Variants in EPAS1 observed in about 807,000 individuals in gnomAD.
The protein encoded by EPAS1 is endothelial PAS domain protein 1.
A neutral mutation model predicts 87.9 loss-of-function variants in EPAS1; 23 were observed. The ratio of observed to expected loss-of-function variants is 0.26; its 90% CI spans 0.19 to 0.37. The LOEUF is 0.37. Among genes scored for constraint, EPAS1 ranks in the 10% least tolerant of loss-of-function variants. The pLI is 1.00. For synonymous variants in EPAS1, 508 were observed against 444.3 expected (o/e 1.14, Z -1.80); for missense variants, 1,138 against 1,120.7 (o/e 1.02, Z -0.22).
chr2:46,367,809 G>T (rs893781580), intron 6 of EPAS1, among the ~76,000 whole-genome samples: 3 of 152,194 alleles, frequency 2.0e-5, no homozygotes, highest in Non-Finnish European at 4.4e-5. Context: ...TCTCACCCAA[G>T]CAGAGAACTT....
intron 1 of EPAS1, among the ~76,000 whole-genome samples, chr2:46,303,320 G>A (rs1683047875): frequency 6.6e-6 from 1 of 152,166 alleles, no homozygotes; most frequent in African/African-American, 2.4e-5. Context: ...TTAAAGACTG[G>A]CTCAGAAGGA....
intron 1 of EPAS1, among the ~76,000 whole-genome samples, chr2:46,302,166 G>A (rs999837411): frequency 6.7e-6 from 1 of 149,548 alleles, no homozygotes; most frequent in African/African-American, 2.5e-5. Context: ...GCGTCGGGGG[G>A]GGGGGCAGTG....
rs1430550943 is a variant in EPAS1 at position 46,385,971 on chromosome 2, C to G, written c.*1311C>G. Reference sequence around the variant, plus strand: ...CTCACGACCTTGGAGCCCCGTGGAGCTGGACTGAGGAGGAGGCTGCACAGC... The same window carrying G: ...CTCACGACCTTGGAGCCCCGTGGAGGTGGACTGAGGAGGAGGCTGCACAGC... On this transcript the variant is annotated 3_prime_UTR_variant, in exon 16 of 16. Transcript: ENST00000263734. The G allele has an allele frequency of 6.6e-6, 1 of 152,578 alleles. No individual in the cohort carries two copies. The highest frequency in any genetic ancestry group is 1.5e-5 in the Non-Finnish European group (1 of 68,050). The allele number at this position is 152,578 out of a possible 1,614,324, so 9.5% of individuals were successfully genotyped here. A position where few individuals can be genotyped will look rare whatever the true frequency, so the allele number is the denominator to read the frequency against.
intron 15 of EPAS1, 51 bp from the exon 16 acceptor site, chr2:46,384,458 T>C (rs1277800522): frequency 1.2e-6 from 2 of 1,613,602 alleles, no homozygotes; most frequent in Non-Finnish European, 1.7e-6. Context: ...TAGACACTTT[T>C]CCAAATGTTC....
chr2:46,328,330 A>T (rs1289461526), intron 1 of EPAS1, among the ~76,000 whole-genome samples: 1 of 152,210 alleles, frequency 6.6e-6, no homozygotes, highest in Non-Finnish European at 1.5e-5. Flanking sequence ...TTCTGTCCCC[A>T]TGACCAGTTC....
chr2:46,359,518 G>A (rs987127851), intron 4 of EPAS1, among the ~76,000 whole-genome samples: 7 of 152,124 alleles, frequency 4.6e-5, no homozygotes, highest in Admixed American at 1.3e-4. Context: ...TTTTATAATC[G>A]TGATGAAGGA....
chr2:46,378,881 T>G, intron 11 of EPAS1, 114 bp downstream of exon 11: 1 of 1,048,328 alleles, frequency 9.5e-7, no homozygotes, highest in East Asian at 2.5e-5. Context: ...GTGGAGACGT[T>G]TGGCCAAGGC....
Position 46,297,951 on chromosome 2 carries a change from C to T in EPAS1, c.26+14C>T, listed in dbSNP as rs1159137374. 3 of 1,611,986 alleles carry T rather than the reference C, an allele frequency of 1.9e-6. No individual in the cohort carries two copies. Among genetic ancestry groups the T allele is most frequent in the Non-Finnish European group, 1.7e-6 (2 of 1,179,154 alleles). On this transcript the variant is annotated intron_variant, in intron 1 of 15. Transcript: ENST00000263734. ...GGAGAAGAAAAGGTAAGCGGGCGTC[C>T]GGGCCGATCAGGGGGCCGGTCCGAG...
chr2:46,380,370 C>T lies in EPAS1; in HGVS notation c.1698C>T (p.Ala566=). 1.2e-6 allele frequency: 2 copies of T among 1,614,168 alleles called. No homozygotes were observed. The highest frequency in any genetic ancestry group is 2.7e-5 in the African/African-American group (2 of 75,024). The stretch of plus-strand genomic sequence containing the variant: ...CCACCCCCCAGCACTGCTTCAGTGC[C>T]ATGACAAACATCTTCCAGCCACTGG... ...PQSTPQHCFS[A]MTNIFQPLAP... The change falls in exon 12 of 16, where the codon GCC becomes GCT. Residue 566 remains alanine (A), a synonymous_variant. Transcript: ENST00000263734. The surrounding 1 kb of genome is among the most constrained non-coding windows in gnomAD (Gnocchi z 4.4).
At chr2:46,372,187 T>C (rs1397856534) in intron 7 of EPAS1, among the ~76,000 whole-genome samples, 1 of 152,212 alleles carries the variant, frequency 6.6e-6, no homozygotes, top group East Asian at 1.9e-4. Context: ...AAAGCTGCCC[T>C]GAGCTCAGAA....
rs957192055 is a variant in EPAS1, at chr2:46,312,854, G to C, written c.26+14917G>C. 2.6e-5 allele frequency among the ~76,000 whole-genome samples: 4 copies of C among 152,182 alleles called. No individual in the cohort carries two copies. In the East Asian group the frequency reaches 7.7e-4, roughly 29 times the overall value. Reference sequence around the variant, plus strand: ...TTATGCTCCTTTCTACATCTGGCCTGTTTTTCCCTCCCCTGTGGAGATGGA... The same window carrying C: ...TTATGCTCCTTTCTACATCTGGCCTCTTTTTCCCTCCCCTGTGGAGATGGA... On this transcript the variant is annotated intron_variant, in intron 1 of 15. Transcript: ENST00000263734.
chr2:46,363,156 G>A (rs1388564528), intron 6 of EPAS1, among the ~76,000 whole-genome samples: 1 of 152,202 alleles, frequency 6.6e-6, no homozygotes, highest in African/African-American at 2.4e-5. Flanking sequence ...ACAGCTTTGT[G>A]TACCTCAGTA....
Position 46,333,219 on chromosome 2 carries a change from G to A in EPAS1, c.27-13654G>A, listed in dbSNP as rs566363154. ...AATACCCCCACAGCTGGGGGACCGT[G>A]ACTGATTTAATCTTCATGCCAGCTC... On this transcript the variant is annotated intron_variant, in intron 1 of 15. Coordinates refer to ENST00000263734, the MANE Select transcript of EPAS1 (RefSeq NM_001430.5). 4.6e-5 allele frequency among the ~76,000 whole-genome samples: 7 copies of A among 152,284 alleles called. No individual in the cohort carries two copies. In the East Asian group the frequency reaches 1.3e-3, roughly 29 times the overall value.
At chr2:46,328,649 T>C (rs926057846) in intron 1 of EPAS1, among the ~76,000 whole-genome samples, 8 of 152,232 alleles carry the variant, frequency 5.3e-5, no homozygotes, top group African/African-American at 1.9e-4. Context: ...TACACTTTAT[T>C]TATGTAGCAT....
At chr2:46,363,389 C>T (rs1013250277) in intron 6 of EPAS1, among the ~76,000 whole-genome samples, 1 of 152,156 alleles carries the variant, frequency 6.6e-6, no homozygotes, top group African/African-American at 2.4e-5. Flanking sequence ...ACTTGGCATC[C>T]CTACATAATA....
chr2:46,308,179 T>C (rs901378063), intron 1 of EPAS1, among the ~76,000 whole-genome samples: 1 of 152,118 alleles, frequency 6.6e-6, no homozygotes, highest in Non-Finnish European at 1.5e-5. Context: ...TCTGGATGCT[T>C]TTCCCCTCTC....
At chr2:46,354,921 C>T (rs1172205509) in intron 2 of EPAS1, among the ~76,000 whole-genome samples, 2 of 152,170 alleles carry the variant, frequency 1.3e-5, no homozygotes, top group Non-Finnish European at 2.9e-5. Context: ...AGTGTTCACA[C>T]AATCCCGTCT....
At chr2:46,333,335 C>G (rs895704698) in intron 1 of EPAS1, among the ~76,000 whole-genome samples, 11 of 152,106 alleles carry the variant, frequency 7.2e-5, no homozygotes, top group African/African-American at 2.4e-4. Flanking sequence ...TGCCTGTGCC[C>G]TCAGAGAACC....
At chr2:46,312,757 G>A (rs1028361184) in intron 1 of EPAS1, among the ~76,000 whole-genome samples, 1 of 152,152 alleles carries the variant, frequency 6.6e-6, no homozygotes, top group African/African-American at 2.4e-5. Context: ...CATACCCTGA[G>A]ATGTGAGGAA....
Sources: gnomAD v4.1 joint callset for allele counts (sites outside exome capture counted in the v4.1 genomes callset) on GRCh38, gnomAD v4.1.1 for gene constraint, Gnocchi (gnomAD v3.1) non-coding constraint, MANE v1.5 for transcripts, NCBI Gene and HGNC (gene_info 2026-07-23, HGNC 2026-07-21) for gene names.